Variants in SOBP observed in about 807,000 individuals in gnomAD.
SOBP encodes sine oculis-binding protein homolog.
A neutral mutation model predicts 53.6 loss-of-function variants in SOBP; 4 were observed. The ratio of observed to expected loss-of-function variants is 0.07; its 90% confidence interval spans 0.04 to 0.17. The LOEUF is 0.17. Among genes scored for constraint, SOBP ranks in the 10% least tolerant of loss-of-function variants. The pLI is 1.00. For missense variants in SOBP, 1,088 were observed against 1,204.7 expected (o/e 0.90, Z 1.43); for synonymous variants, 584 against 522.6 (o/e 1.12, Z -1.60).
chr6:107,616,027 C>CA (rs1243177231), intron 5 of SOBP, among the ~76,000 whole-genome samples: 112 of 112,504 alleles, frequency 1.0e-3, no homozygotes, highest in Non-Finnish European at 1.5e-3. Context: ...TGTCTCTGGG[C>CA]AAAAAAAAGA....
At chr6:107,646,231 T>A (rs1259024699) in intron 6 of SOBP, among the ~76,000 whole-genome samples, 1 of 152,258 alleles carries the variant, frequency 6.6e-6, no homozygotes, top group Admixed American at 6.5e-5. Flanking sequence ...ATGGGTTAAG[T>A]ATGGAAAGCC....
intron 3 of SOBP, among the ~76,000 whole-genome samples, chr6:107,531,431 T>C (rs1406364622): frequency 1.3e-5 from 2 of 152,212 alleles, no homozygotes; most frequent in Non-Finnish European, 2.9e-5. Flanking sequence ...TTAGTTGCTA[T>C]CTAGTTTAGT....
chr6:107,518,635 G>A (rs1271147740), intron 3 of SOBP, among the ~76,000 whole-genome samples: 1 of 152,038 alleles, frequency 6.6e-6, no homozygotes, highest in African/African-American at 2.4e-5. Flanking sequence ...ATGTTCACCA[G>A]CAATCATTAA....
chr6:107,555,159 C>G (rs1784572945), intron 4 of SOBP, among the ~76,000 whole-genome samples: 1 of 150,962 alleles, frequency 6.6e-6, no homozygotes, highest in African/African-American at 2.4e-5. Flanking sequence ...TCCCACGCAC[C>G]TTCTCAGTGA....
At chr6:107,533,271 C>CAAAAAAAA (rs762864049) in intron 3 of SOBP, among the ~76,000 whole-genome samples, 188 bp from the exon 4 acceptor site, 3 of 32,820 alleles carry the variant, frequency 9.1e-5, no homozygotes, top group Admixed American at 3.9e-4. Context: ...ACTTAGGAGC[C>CAAAAAAAA]AAAAAAAAAA....
chr6:107,504,222 T>G (rs2114945933), intron 2 of SOBP, among the ~76,000 whole-genome samples: 1 of 152,354 alleles, frequency 6.6e-6, no homozygotes, highest in Non-Finnish European at 1.5e-5. Context: ...GTAATCCTCC[T>G]TCCTTTTTTT....
chr6:107,532,117 A>G (rs1783839672), intron 3 of SOBP, among the ~76,000 whole-genome samples: 1 of 152,152 alleles, frequency 6.6e-6, no homozygotes, highest in Non-Finnish European at 1.5e-5. Flanking sequence ...GAAATCAGAC[A>G]ACACTATACG....
chr6:107,629,993 T>A (rs1284500689), intron 5 of SOBP, among the ~76,000 whole-genome samples: 4 of 152,254 alleles, frequency 2.6e-5, no homozygotes, highest in Admixed American at 2.0e-4. Flanking sequence ...GCTGTCTCGC[T>A]CAATGGCATT....
rs374186706 is a variant in SOBP, at chr6:107,587,128, G to A, written c.622G>A (p.Ala208Thr). The A allele has an allele frequency of 2.5e-5, 40 of 1,613,498 alleles. No individual in the cohort carries two copies. In the Admixed American group the frequency reaches 4.8e-4, roughly 20 times the overall value. ...HAENFPQQHY[A>T]KETPRLAFKN... ...TGAAAATTTTCCCCAGCAGCACTAT[G>A]CTAAGGAAACTCCAAGGCTTGCCTT... Residue 208 changes from alanine (A) to threonine (T), a missense_variant, in exon 5 of 7, where the codon GCT becomes ACT. Ala to Thr is a moderately conservative substitution (Grantham distance 58, BLOSUM62 0). Transcript: ENST00000317357.
intron 4 of SOBP, among the ~76,000 whole-genome samples, chr6:107,565,679 T>C (rs1204559420): frequency 6.6e-6 from 1 of 152,110 alleles, no homozygotes; most frequent in East Asian, 1.9e-4. Flanking sequence ...CTCTATTAAA[T>C]TGTAGAATAT....
At chr6:107,567,621 T>A (rs1583219765) in intron 4 of SOBP, among the ~76,000 whole-genome samples, 1 of 152,348 alleles carries the variant, frequency 6.6e-6, no homozygotes, top group East Asian at 1.9e-4. Context: ...TGGCTCCTGA[T>A]TGAATATACT....
intron 3 of SOBP, among the ~76,000 whole-genome samples, chr6:107,517,172 A>C (rs1267639456): frequency 6.6e-6 from 1 of 152,240 alleles, no homozygotes; most frequent in Non-Finnish European, 1.5e-5. Flanking sequence ...TGTAGGTATA[A>C]ACAATTATAA....
intron 5 of SOBP, among the ~76,000 whole-genome samples, chr6:107,595,350 CTT>C (rs745477007): frequency 1.7e-4 from 15 of 88,126 alleles, no homozygotes; most frequent in Admixed American, 5.6e-4. Flanking sequence ...GATTTTGATC[CTT>C]TTTTTTTTTT....
intron 2 of SOBP, among the ~76,000 whole-genome samples, chr6:107,504,506 C>T (rs147349031): frequency 6.6e-6 from 1 of 152,076 alleles, no homozygotes; most frequent in African/African-American, 2.4e-5. Context: ...AATTTATGAA[C>T]CTAAATTAGG....
chr6:107,578,670 G>A (rs1474971058), intron 4 of SOBP, among the ~76,000 whole-genome samples: 2 of 152,170 alleles, frequency 1.3e-5, no homozygotes, highest in African/African-American at 4.8e-5. Context: ...AAGCACTTAG[G>A]ATGGTGTCTG....
intron 5 of SOBP, among the ~76,000 whole-genome samples, chr6:107,604,871 C>A (rs1014322262): frequency 6.6e-6 from 1 of 152,164 alleles, no homozygotes; most frequent in African/African-American, 2.4e-5. Context: ...CAGCAAGTTT[C>A]GCTGAAGATT....
At chr6:107,629,373 C>T (rs1213003470) in intron 5 of SOBP, among the ~76,000 whole-genome samples, 1 of 151,876 alleles carries the variant, frequency 6.6e-6, no homozygotes, top group African/African-American at 2.4e-5. Flanking sequence ...CCATTAAAGG[C>T]TGAACTTTAC....
intron 3 of SOBP, among the ~76,000 whole-genome samples, chr6:107,520,856 C>G (rs992285386): frequency 2.6e-5 from 4 of 152,190 alleles, no homozygotes; most frequent in African/African-American, 7.2e-5. Flanking sequence ...ACTTTGTTCT[C>G]AAAGGCAGTG....
At chr6:107,644,028 G>C (rs114662866) in intron 6 of SOBP, among the ~76,000 whole-genome samples, 1 of 152,320 alleles carries the variant, frequency 6.6e-6, no homozygotes, top group African/African-American at 2.4e-5. Flanking sequence ...ACACGTGAGC[G>C]TGGTGGCTCA....
Sources: allele counts gnomAD v4.1 joint callset (sites outside exome capture counted in the v4.1 genomes callset), GRCh38; gene constraint gnomAD v4.1.1; transcripts MANE v1.5; gene names NCBI Gene and HGNC (gene_info 2026-07-23, HGNC 2026-07-21).